The following CNTN4 variants were observed in gnomAD, a reference collection of about 807,000 sequenced individuals.
The protein encoded by CNTN4 is contactin 4.
A neutral mutation model predicts 122.5 loss-of-function variants in CNTN4; 77 were observed. The ratio of observed to expected loss-of-function variants is 0.63; its 90% confidence interval spans 0.52 to 0.76. CNTN4 has a LOEUF of 0.76. Ranked by LOEUF, CNTN4 falls within the 30% of genes least tolerant of loss-of-function variation. The pLI, the probability that CNTN4 is intolerant of heterozygous loss-of-function variation, is 0.00. For synonymous variants in CNTN4, 512 were observed against 447.0 expected (o/e 1.15, Z -1.83); for missense variants, 1,256 against 1,259.1 (o/e 1.00, Z 0.04).
At chr3:2,674,922 A>G (rs2084760032) in intron 4 of CNTN4, among the ~76,000 whole-genome samples, 1 of 152,002 alleles carries the variant, frequency 6.6e-6, no homozygotes, top group Non-Finnish European at 1.5e-5. Context: ...CCTCTATTCT[A>G]CTCTCTACTT....
chr3:2,740,151 G>A (rs901881423), intron 5 of CNTN4, among the ~76,000 whole-genome samples: 1 of 152,148 alleles, frequency 6.6e-6, no homozygotes, highest in Non-Finnish European at 1.5e-5. Flanking sequence ...GAGGCCAGGA[G>A]TTTGAGACCA....
At chr3:2,282,637 C>A (rs796083508) in intron 2 of CNTN4, among the ~76,000 whole-genome samples, 13 of 152,136 alleles carry the variant, frequency 8.5e-5, no homozygotes, top group African/African-American at 2.9e-4. Context: ...GAATTGCATT[C>A]AAAAAGATAA....
At chr3:2,649,729 T>C (rs1397052593) in intron 4 of CNTN4, among the ~76,000 whole-genome samples, 1 of 152,108 alleles carries the variant, frequency 6.6e-6, no homozygotes, top group Non-Finnish European at 1.5e-5. Flanking sequence ...ATTTAAGAAA[T>C]GCATTTTATA....
At chr3:2,985,627 C>T (rs1694488712) in intron 13 of CNTN4, 1 of 152,376 alleles carries the variant, frequency 6.6e-6, no homozygotes, top group Non-Finnish European at 1.5e-5. Flanking sequence ...CACCCCAGCC[C>T]AAAGGCCAAG....
intron 7 of CNTN4, among the ~76,000 whole-genome samples, chr3:2,842,729 A>G (rs573063067): frequency 6.6e-6 from 1 of 152,348 alleles, no homozygotes; most frequent in South Asian, 2.1e-4. Context: ...TTGACCTATC[A>G]GCAGCATTCA....
chr3:2,409,623 C>T (rs1162276006), intron 3 of CNTN4, among the ~76,000 whole-genome samples: 1 of 152,100 alleles, frequency 6.6e-6, no homozygotes, highest in East Asian at 1.9e-4. Context: ...GCAGTGAATT[C>T]ATAACTGTGA....
intron 2 of CNTN4, among the ~76,000 whole-genome samples, chr3:2,124,457 C>CACACAG (rs1268749718): frequency 1.3e-5 from 2 of 148,866 alleles, no homozygotes; most frequent in Non-Finnish European, 3.0e-5. Context: ...CACACACACA[C>CACACAG]ACACACACAC....
At chr3:2,731,701 C>T (rs955391808) in intron 4 of CNTN4, among the ~76,000 whole-genome samples, 2 of 152,228 alleles carry the variant, frequency 1.3e-5, no homozygotes, top group Admixed American at 1.3e-4. Context: ...TGCCCTGGGG[C>T]GACTCTCACC....
intron 4 of CNTN4, among the ~76,000 whole-genome samples, chr3:2,608,267 C>T (rs2081341398): frequency 6.6e-6 from 1 of 152,186 alleles, no homozygotes; most frequent in Non-Finnish European, 1.5e-5. Flanking sequence ...CCCAAGTCCA[C>T]TTATATGAAC....
chr3:2,683,431 A>G (rs2085269450), intron 4 of CNTN4, among the ~76,000 whole-genome samples: 1 of 148,968 alleles, frequency 6.7e-6, no homozygotes, highest in Admixed American at 6.8e-5. Flanking sequence ...TTTCAATGAT[A>G]GAATTACATG....
At chr3:2,917,147 A>G (rs116552859) in intron 12 of CNTN4, among the ~76,000 whole-genome samples, 46,949 of 130,226 alleles carry the variant, frequency 0.36, 9,538 homozygotes, top group East Asian at 0.59. Context: ...CAAAAAATAT[A>G]AAAACCAGTC....
chr3:2,603,137 T>C (rs114098084), intron 4 of CNTN4, among the ~76,000 whole-genome samples: 3,002 of 152,270 alleles, frequency 0.02, 109 homozygotes, highest in African/African-American at 0.066. Context: ...TTTCTGAGAA[T>C]TTTGTTTTTT....
chr3:2,447,296 G>A (rs1219636502), intron 3 of CNTN4, among the ~76,000 whole-genome samples: 2 of 152,014 alleles, frequency 1.3e-5, no homozygotes, highest in Non-Finnish European at 2.9e-5. Flanking sequence ...TTGAAACATT[G>A]CTCACCAATC....
chr3:2,840,599 T>G (rs1274622179), intron 7 of CNTN4, among the ~76,000 whole-genome samples: 5 of 96,030 alleles, frequency 5.2e-5, no homozygotes, highest in African/African-American at 1.6e-4. Context: ...CTCGGGAGGC[T>G]GAGGCGGGAG....
chr3:3,003,901 C>T (rs1012229044), intron 14 of CNTN4, among the ~76,000 whole-genome samples: 17 of 151,948 alleles, frequency 1.1e-4, no homozygotes, highest in African/African-American at 3.9e-4. Context: ...AGGCGCACGC[C>T]AGCACGCCAC....
intron 3 of CNTN4, among the ~76,000 whole-genome samples, chr3:2,558,137 G>A (rs1422111037): frequency 6.6e-6 from 1 of 152,168 alleles, no homozygotes; most frequent in Non-Finnish European, 1.5e-5. Flanking sequence ...CATACTTGCA[G>A]AAAAGTTGCA....
chr3:2,185,094 G>A (rs1366359472), intron 2 of CNTN4, among the ~76,000 whole-genome samples: 2 of 152,148 alleles, frequency 1.3e-5, no homozygotes, highest in East Asian at 3.9e-4. Context: ...GACAACTTTG[G>A]TTTGAATGGA....
At chr3:2,254,267 C>T (rs891918023) in intron 2 of CNTN4, among the ~76,000 whole-genome samples, 124 of 151,928 alleles carry the variant, frequency 8.2e-4, no homozygotes, top group African/African-American at 2.6e-3. Context: ...ATATGTGCCA[C>T]ATATTCTTTA....
chr3:2,536,164 T>G (rs1307999858), intron 3 of CNTN4, among the ~76,000 whole-genome samples: 1 of 152,086 alleles, frequency 6.6e-6, no homozygotes, highest in Non-Finnish European at 1.5e-5. Context: ...GAACCACATC[T>G]CCCACCATAT....
Sources: allele counts gnomAD v4.1 joint callset (sites outside exome capture counted in the v4.1 genomes callset), GRCh38; gene constraint gnomAD v4.1.1; transcripts MANE v1.5; gene names NCBI Gene and HGNC (gene_info 2026-07-23, HGNC 2026-07-21).